Variants in AGBL4 observed in about 807,000 individuals in gnomAD.
The protein encoded by AGBL4 is AGBL carboxypeptidase 4, also known as cytosolic carboxypeptidase 6.
Under a neutral mutation model 66.4 loss-of-function variants are expected in AGBL4, and 58 were observed. That is an observed-to-expected ratio of 0.87 (90% CI 0.71 to 1.09). The LOEUF is 1.09. AGBL4 is among the 50% of genes least tolerant of loss of function. The pLI is 0.00. For synonymous variants in AGBL4, 234 were observed against 222.9 expected, an observed-to-expected ratio of 1.05 and a Z score of -0.44; for missense variants, 579 against 631.0, an observed-to-expected ratio of 0.92 and a Z score of 0.88.
intron 5 of AGBL4, among the ~76,000 whole-genome samples, chr1:48,879,992 G>T (rs929132794): frequency 4.6e-5 from 7 of 151,900 alleles, no homozygotes; most frequent in African/African-American, 1.7e-4. Context: ...TAGGTTATTG[G>T]GGGAACAGGT....
chr1:49,724,837 G>A (rs1422694645), intron 2 of AGBL4, among the ~76,000 whole-genome samples: 1 of 152,084 alleles, frequency 6.6e-6, no homozygotes, highest in African/African-American at 2.4e-5. Flanking sequence ...CAGGAAGGTA[G>A]CTCTCACAAG....
rs372737290 is a variant in AGBL4 at position 48,641,925 on chromosome 1, A to G, written c.840-7321T>C. 1.5e-4 allele frequency among the ~76,000 whole-genome samples: 23 copies of G among 152,214 alleles called. No individual in the cohort carries two copies. The East Asian group carries it at 4.2e-3, about 28-fold the overall frequency. On this transcript the variant is annotated intron_variant, in intron 8 of 13. Transcript: ENST00000371839. ...ATATCTTTATTTTTTTAAATGGGGA[A>G]TCTAAGTTTCAAATGAGGGACTAAC...
chr1:48,654,207 C>A (rs1354276360), intron 7 of AGBL4, among the ~76,000 whole-genome samples: 1 of 152,268 alleles, frequency 6.6e-6, no homozygotes, highest in East Asian at 1.9e-4. Context: ...CATCCCACTG[C>A]CTGTCTTCTA....
intron 3 of AGBL4, among the ~76,000 whole-genome samples, chr1:49,468,843 A>C (rs987071724): frequency 3.3e-5 from 5 of 151,846 alleles, no homozygotes; most frequent in African/African-American, 1.2e-4. Flanking sequence ...TGTATATAAA[A>C]ATGTTGAAAT....
chr1:49,097,417 T>G (rs980623596), intron 4 of AGBL4, among the ~76,000 whole-genome samples: 8 of 152,112 alleles, frequency 5.3e-5, no homozygotes, highest in African/African-American at 1.9e-4. Flanking sequence ...TCATGAAAAT[T>G]TATCAGGCTG....
At chr1:49,535,982 T>C (rs1230796815) in intron 3 of AGBL4, among the ~76,000 whole-genome samples, 2 of 152,230 alleles carry the variant, frequency 1.3e-5, no homozygotes, top group Non-Finnish European at 2.9e-5. Flanking sequence ...TGAGCCACCG[T>C]GCCCCAGTGA....
At chr1:48,750,835 G>A (rs1376088893) in intron 6 of AGBL4, among the ~76,000 whole-genome samples, 1 of 152,154 alleles carries the variant, frequency 6.6e-6, no homozygotes, top group Non-Finnish European at 1.5e-5. Flanking sequence ...CTGTATAGGA[G>A]GCTAGACGAG....
chr1:49,512,094 G>C (rs1203516623), intron 3 of AGBL4, among the ~76,000 whole-genome samples: 3 of 151,890 alleles, frequency 2.0e-5, no homozygotes, highest in Admixed American at 2.0e-4. Flanking sequence ...TATTCTATTC[G>C]AGAAGTGTCT....
intron 3 of AGBL4, among the ~76,000 whole-genome samples, chr1:49,468,617 C>T (rs962812928): frequency 1.3e-5 from 2 of 151,630 alleles, no homozygotes; most frequent in Non-Finnish European, 2.9e-5. Flanking sequence ...TTTTCTTTGC[C>T]GTTCGTTTAG....
At chr1:48,882,718 T>A (rs1649912338) in intron 5 of AGBL4, among the ~76,000 whole-genome samples, 1 of 152,198 alleles carries the variant, frequency 6.6e-6, no homozygotes, top group Non-Finnish European at 1.5e-5. Context: ...CCAGAACTTA[T>A]CCCTCCTGTC....
At chr1:48,726,851 C>G (rs1647307084) in intron 6 of AGBL4, among the ~76,000 whole-genome samples, 1 of 152,184 alleles carries the variant, frequency 6.6e-6, no homozygotes, top group African/African-American at 2.4e-5. Context: ...TGTAGCACCT[C>G]TGAAAGGTAG....
At chr1:49,881,417 G>A (rs10749686) in intron 1 of AGBL4, among the ~76,000 whole-genome samples, 103,255 of 151,244 alleles carry the variant, frequency 0.68, 36,074 homozygotes, top group African/African-American at 0.77. Flanking sequence ...TGGGATGGCT[G>A]GGTCAAATGG....
intron 3 of AGBL4, among the ~76,000 whole-genome samples, chr1:49,677,989 C>T (rs1160552503): frequency 6.6e-6 from 1 of 152,136 alleles, no homozygotes; most frequent in African/African-American, 2.4e-5. Context: ...TTTGTTACGG[C>T]ACCTAAAGCT....
rs532358290 is a variant in AGBL4 at position 48,776,662 on chromosome 1, G to T, written c.634+90529C>A. 163 of 1,494,180 alleles carry T rather than the reference G, an allele frequency of 1.1e-4. 1 individual carries two copies. The East Asian group carries it at 4.6e-3, about 42-fold the overall frequency. The allele number at this position is 1,494,180 out of a possible 1,614,324, so 92.6% of individuals were successfully genotyped here. A position where few individuals can be genotyped will look rare whatever the true frequency, so the allele number is the denominator to read the frequency against. Reference sequence around the variant, plus strand: ...CAACAGCGCGCCCCAGTCGCGGGGGGCGCGCGGGGGGCTCTCGGGCCCGGC... The same window carrying T: ...CAACAGCGCGCCCCAGTCGCGGGGGTCGCGCGGGGGGCTCTCGGGCCCGGC... On this transcript the variant is annotated intron_variant, in intron 6 of 13. Coordinates refer to ENST00000371839, the MANE Select transcript of AGBL4 (RefSeq NM_032785.4).
At chr1:49,013,106 G>A (rs1662571514) in intron 5 of AGBL4, among the ~76,000 whole-genome samples, 2 of 152,236 alleles carry the variant, frequency 1.3e-5, no homozygotes, top group South Asian at 4.1e-4. Context: ...AAAACTGTAA[G>A]AAATGAATTT....
At chr1:50,020,413 C>T (rs1018772393) in intron 1 of AGBL4, among the ~76,000 whole-genome samples, 1 of 152,060 alleles carries the variant, frequency 6.6e-6, no homozygotes, top group Non-Finnish European at 1.5e-5. Context: ...CCCCATTTTA[C>T]AAATGAGGAA....
chr1:49,913,163 CAT>C (rs1372005950), intron 1 of AGBL4, among the ~76,000 whole-genome samples: 1 of 152,140 alleles, frequency 6.6e-6, no homozygotes, highest in Non-Finnish European at 1.5e-5. Flanking sequence ...TCTAAAGTCT[CAT>C]AGAAATCAAA....
chr1:49,637,803 C>A lies in AGBL4; in HGVS notation c.282+59510G>T, dbSNP rs1334204654. On this transcript the variant is annotated intron_variant, in intron 3 of 13. Transcript: ENST00000371839. Reference sequence around the variant, plus strand: ...CTTGACTACATAAAAGCTTGAGGAACCAATATATAAAAACAACCACAATTT... The same window carrying A: ...CTTGACTACATAAAAGCTTGAGGAAACAATATATAAAAACAACCACAATTT... Among the ~76,000 whole-genome samples the A allele has an allele frequency of 3.3e-5, 5 of 151,636 alleles. No individual in the cohort carries two copies. The South Asian group carries it at 1.0e-3, about 31-fold the overall frequency.
At chr1:50,001,491 ATATG>A (rs1259898480) in intron 1 of AGBL4, among the ~76,000 whole-genome samples, 1 of 139,678 alleles carries the variant, frequency 7.2e-6, no homozygotes, top group Non-Finnish European at 1.6e-5. Flanking sequence ...ATATACATAT[ATATG>A]TATGTGTGTG....
Sources: allele counts gnomAD v4.1 joint callset (sites outside exome capture counted in the v4.1 genomes callset), GRCh38; gene constraint gnomAD v4.1.1; transcripts MANE v1.5; gene names NCBI Gene and HGNC (gene_info 2026-07-23, HGNC 2026-07-21).